PNPLA7: variants seen among roughly 807,000 people sequenced by gnomAD.
The protein encoded by PNPLA7 is patatin-like phospholipase domain-containing protein 7.
Under a neutral mutation model 161.7 loss-of-function variants are expected in PNPLA7, and 153 were observed. The observed-to-expected ratio is 0.95, with a 90% CI of 0.83 to 1.08. The LOEUF is 1.08. Ranked by LOEUF, PNPLA7 falls within the 50% of genes least tolerant of loss-of-function variation. The pLI is 0.00. For synonymous variants in PNPLA7, 809 were observed against 782.1 expected (o/e 1.03, Z -0.57); for missense variants, 1,739 against 1,856.6 (o/e 0.94, Z 1.16).
At chr9:137,533,297 C>G (rs1488185237) in intron 8 of PNPLA7, among the ~76,000 whole-genome samples, 5 of 144,860 alleles carry the variant, frequency 3.5e-5, no homozygotes, top group African/African-American at 1.3e-4. Context: ...TCCCAGAATC[C>G]TCAACAACAG....
chr9:137,501,202 T>C (rs1308621294), intron 15 of PNPLA7, among the ~76,000 whole-genome samples: 1 of 152,192 alleles, frequency 6.6e-6, no homozygotes, highest in Non-Finnish European at 1.5e-5. Context: ...CAGCCCAGCA[T>C]TCCTGTGCAC....
At chr9:137,525,872 C>T (rs1331526087) in intron 8 of PNPLA7, among the ~76,000 whole-genome samples, 1 of 150,070 alleles carries the variant, frequency 6.7e-6, no homozygotes, top group Non-Finnish European at 1.5e-5. Flanking sequence ...CTGGCGTTAC[C>T]GCTAGACCAA....
In PNPLA7 at chr9:137,523,353, G is replaced by A. The variant is rs79563840; in HGVS notation, c.748-496C>T. Among the ~76,000 whole-genome samples the A allele has an allele frequency of 7.2e-5, 11 of 152,110 alleles. No homozygotes were observed. In the East Asian group the frequency reaches 7.7e-4, roughly 11 times the overall value. On this transcript the variant is annotated intron_variant, in intron 8 of 34. Coordinates refer to ENST00000406427, the MANE Select transcript of PNPLA7 (RefSeq NM_001098537.3). This position sits in a 1 kb window ranked among gnomAD's most constrained non-coding sequence, Gnocchi z 4.4. Reference sequence around the variant, plus strand: ...GGTCACCGCCTAGGACAGGGAGCGCGCACTGCCGGGTCGCACGAGGCCCAG... The same window carrying A: ...GGTCACCGCCTAGGACAGGGAGCGCACACTGCCGGGTCGCACGAGGCCCAG...
Position 137,501,661 on chromosome 9 carries a change from G to A in PNPLA7, c.1540C>T (p.Gln514Ter), listed in dbSNP as rs1588616528. 1.5e-5 allele frequency: 24 copies of A among 1,612,344 alleles called. No individual in the cohort carries two copies. In the East Asian group the frequency reaches 4.9e-4, roughly 33 times the overall value. The change falls in exon 15 of 35, where the codon CAG becomes TAG. Residue 514 changes from glutamine (Q) to a stop codon, truncating the protein, a stop_gained. Transcript: ENST00000406427. LOFTEE classifies it high-confidence loss of function. Reference sequence around the variant, plus strand: ...AGACCCCCGCTCACCTGGTCTCCCTGCCTTGACACCACCGTGCCTGCAGGA... The same window carrying A: ...AGACCCCCGCTCACCTGGTCTCCCTACCTTGACACCACCGTGCCTGCAGGA... ...HVPAGTVVSR[Q>*]GDQDASILFV...
intron 23 of PNPLA7, 22 bp from the exon 24 acceptor site, chr9:137,479,260 T>C: frequency 6.7e-7 from 1 of 1,501,586 alleles, no homozygotes; most frequent in Non-Finnish European, 8.9e-7. Context: ...AGCCCACGTG[T>C]CTGCCAGCCG....
Position 137,508,028 on chromosome 9 carries a change from T to C in PNPLA7, c.1226-1945A>G, listed in dbSNP as rs534759970. Among the ~76,000 whole-genome samples, 8 of 151,382 alleles carry C rather than the reference T, an allele frequency of 5.3e-5. No individual in the cohort carries two copies. The East Asian group carries it at 1.6e-3, about 30-fold the overall frequency. ...GGCAACACAGCAAGAGATCTCTATC[T>C]ACAAAAATTTTAAAAACCAGCCAGG... On this transcript the variant is annotated intron_variant, in intron 12 of 34. Coordinates refer to ENST00000406427, the MANE Select transcript of PNPLA7 (RefSeq NM_001098537.3).
At chr9:137,545,903 C>A (rs1477338069) in intron 4 of PNPLA7, among the ~76,000 whole-genome samples, 2 of 152,256 alleles carry the variant, frequency 1.3e-5, no homozygotes, top group South Asian at 4.2e-4. Context: ...AGGAAAAACA[C>A]CTGCTACTTA....
chr9:137,527,915 A>C (rs1835380766), intron 8 of PNPLA7, among the ~76,000 whole-genome samples: 1 of 152,236 alleles, frequency 6.6e-6, no homozygotes, highest in African/African-American at 2.4e-5. Context: ...TTTTAGCTAC[A>C]GATTCGATTT....
intron 8 of PNPLA7, among the ~76,000 whole-genome samples, chr9:137,534,546 A>G (rs821307): frequency 0.04 from 6,085 of 152,290 alleles, 314 homozygotes; most frequent in African/African-American, 0.12. Context: ...ACATACGCAG[A>G]TTCCTTTCTG....
At chr9:137,494,258 C>T (rs572429249) in intron 19 of PNPLA7, among the ~76,000 whole-genome samples, 20 of 152,278 alleles carry the variant, frequency 1.3e-4, no homozygotes, top group Non-Finnish European at 2.4e-4. Flanking sequence ...GCAGCCCGCC[C>T]TGTCCTTCTC....
chr9:137,464,723 G>A (rs1831385504), intron 26 of PNPLA7: 1 of 479,624 alleles, frequency 2.1e-6, no homozygotes, highest in Non-Finnish European at 3.8e-6. Flanking sequence ...ACCCTCGCAG[G>A]CTCTGCAGCG....
chr9:137,501,726 T>A lies in PNPLA7; in HGVS notation c.1475A>T (p.Asp492Val). The A allele has an allele frequency of 6.2e-7, 1 of 1,611,468 alleles. No homozygotes were observed. ...CACCCGGCCATCCAACAGAGATGAG[T>A]CCTAAAAACAGAGCAGACTTCAGGG... The part of the protein sequence containing the change: ...KDLLTLMKLE[D>V]SSLLDGRVAL... The change falls in exon 15 of 35, where the codon GAC becomes GTC. Residue 492 changes from aspartate (D) to valine (V), a missense_variant and splice_region_variant. Asp to Val is a radical substitution (Grantham distance 152, BLOSUM62 -3). This residue lies in a region of PNPLA7 where 481 missense variants were observed against 450.0 expected (regional missense o/e 1.07). Coordinates refer to ENST00000406427, the MANE Select transcript of PNPLA7 (RefSeq NM_001098537.3).
intron 12 of PNPLA7, among the ~76,000 whole-genome samples, chr9:137,507,023 G>A (rs1833960036): frequency 6.6e-6 from 1 of 152,240 alleles, no homozygotes; most frequent in Non-Finnish European, 1.5e-5. Context: ...CCAGGCCCAG[G>A]AGCACAGCCA....
At chr9:137,508,411 C>CA (rs35508998) in intron 12 of PNPLA7, among the ~76,000 whole-genome samples, 20,011 of 151,668 alleles carry the variant, frequency 0.13, 1,380 homozygotes, top group East Asian at 0.21. Flanking sequence ...ACTAAAAATA[C>CA]AAAAAATTAG....
rs1162667325 is a variant in PNPLA7, at chr9:137,497,224, A to G, written c.1976T>C (p.Leu659Pro). The change falls in exon 18 of 35, where the codon CTG (leucine) becomes CCG (proline). Residue 659 changes from leucine (L) to proline (P), a missense_variant. Around this residue, in one of 6 missense-constraint regions of PNPLA7, gnomAD observed 481 missense variants for 450.0 expected, o/e 1.07. Coordinates refer to ENST00000406427, the MANE Select transcript of PNPLA7 (RefSeq NM_001098537.3). Reference sequence around the variant, plus strand: ...GTCTCCTCGGCCGTACTCCCCGGCCAGGCGCTTCTTCCCATCATCCTTCCG... The same window carrying G: ...GTCTCCTCGGCCGTACTCCCCGGCCGGGCGCTTCTTCCCATCATCCTTCCG... ...VIRKDDGKKR[L>P]AGEYGRGDLV... 7 of 1,589,192 alleles carry G rather than the reference A, an allele frequency of 4.4e-6. No individual in the cohort carries two copies. Among genetic ancestry groups the G allele is most frequent in the Non-Finnish European group, 5.1e-6 (6 of 1,169,006 alleles).
chr9:137,467,417 T>C lies in PNPLA7; in HGVS notation c.2939A>G (p.Asp980Gly), dbSNP rs1347049308. The change falls in exon 26 of 35, where the codon GAC becomes GGC. Residue 980 changes from aspartate to glycine, a missense_variant. Around this residue, in one of 6 missense-constraint regions of PNPLA7, gnomAD observed 703 missense variants for 694.6 expected, o/e 1.01. Coordinates refer to ENST00000406427, the MANE Select transcript of PNPLA7 (RefSeq NM_001098537.3). This position sits in a 1 kb window ranked among gnomAD's most constrained non-coding sequence, Gnocchi z 5.1. ...KALAECGIPV[D>G]MVGGTSIGAF... is the part of the protein sequence containing the mutation. The stretch of plus-strand genomic sequence containing the variant: ...CCCGATGGACGTGCCTCCCACCATG[T>C]CCACAGGGATGCCGCACTCCGCCAA... The C allele has an allele frequency of 1.9e-6, 3 of 1,613,184 alleles. No homozygotes were observed. Among genetic ancestry groups the C allele is most frequent in the Non-Finnish European group, 2.5e-6 (3 of 1,179,984 alleles).
chr9:137,515,644 A>C, intron 11 of PNPLA7, 125 bp from the exon 12 acceptor site: 1 of 1,230,394 alleles, frequency 8.1e-7, no homozygotes, highest in African/African-American at 1.6e-5. Flanking sequence ...CGCGCTCTGG[A>C]CCAGCCCACC....
rs1251283795 is a variant in PNPLA7 at position 137,490,098 on chromosome 9, T to G, written c.2197+2915A>C. On this transcript the variant is annotated intron_variant, in intron 20 of 34. Transcript: ENST00000406427. The surrounding 1 kb of genome is among the most constrained non-coding windows in gnomAD (Gnocchi z 4.1). ...CTAAAGACAGAGAAAAACACCTTTT[T>G]GTGTGTGTGTTTTGAGGCAGGGTCT... Among the ~76,000 whole-genome samples the G allele has an allele frequency of 6.6e-6, 1 of 152,188 alleles. No individual in the cohort carries two copies. Among genetic ancestry groups the G allele is most frequent in the South Asian group, 2.1e-4 (1 of 4,834 alleles).
rs1366996547 is a variant in PNPLA7 at position 137,550,346 on chromosome 9, C to T, written c.-149G>A. The T allele has an allele frequency of 1.2e-5, 10 of 830,234 alleles. No homozygotes were observed. The highest frequency in any genetic ancestry group is 2.2e-5 in the Admixed American group (1 of 46,058). 51.4% of individuals were successfully genotyped at this position (830,234 alleles called of 1,614,324 possible). ...ATGTTTCACTGAAAGGAAAATCCTG[C>T]TGAAAAAGTCTGTTCTCCAGGAAGA... On this transcript the variant is annotated 5_prime_UTR_variant, in exon 1 of 35. Transcript: ENST00000406427.
Sources: gnomAD v4.1 joint callset for allele counts (sites outside exome capture counted in the v4.1 genomes callset) on GRCh38, gnomAD v4.1.1 for gene constraint, gnomAD v4.1.1 regional missense constraint, Gnocchi (gnomAD v3.1) non-coding constraint, MANE v1.5 for transcripts, NCBI Gene and HGNC (gene_info 2026-07-23, HGNC 2026-07-21) for gene names.